Variants in PLA2G15 observed in about 807,000 individuals in gnomAD.
The protein encoded by PLA2G15 is phospholipase A2 group XV.
In PLA2G15, 20 loss-of-function variants were observed where a neutral mutation model predicts 40.9. The observed-to-expected ratio is 0.49, with a 90% CI of 0.34 to 0.71. The LOEUF is 0.71. Among genes scored for constraint, PLA2G15 ranks in the 30% least tolerant of loss-of-function variants. The probability of loss-of-function intolerance (pLI) is 0.01; values close to 1 mark genes in which losing one functional copy is unlikely to be tolerated. For missense variants in PLA2G15, 471 were observed against 541.9 expected (o/e 0.87, Z 1.30); for synonymous variants, 223 against 228.2 (o/e 0.98, Z 0.21).
intron 2 of PLA2G15, chr16:68,252,559 C>T (rs1450646569): frequency 2.2e-6 from 1 of 455,950 alleles, no homozygotes; most frequent in Non-Finnish European, 4.4e-6. Context: ...GTACTGAGCC[C>T]TGAGGCGGGG....
chr16:68,257,142 C>A (rs1047883936), intron 5 of PLA2G15, among the ~76,000 whole-genome samples: 2 of 152,132 alleles, frequency 1.3e-5, no homozygotes, highest in African/African-American at 4.8e-5. Context: ...CTGCCTCAGC[C>A]TCCCAAAGTG....
Position 68,255,818 on chromosome 16 carries a change from C to T in PLA2G15, c.555C>T (p.Tyr185=), listed in dbSNP as rs2042396467. The part of the protein sequence containing the change: ...LALREMIEEM[Y]QLYGGPVVLV... The stretch of plus-strand genomic sequence containing the variant: ...TCCGCGAGATGATCGAGGAGATGTA[C>T]CAGCTGTATGGGGGCCCCGTGGTGC... Residue 185 remains tyrosine, a synonymous_variant, in exon 5 of 6, where the codon TAC becomes TAT. Transcript: ENST00000219345. This position sits in a 1 kb window ranked among gnomAD's most constrained non-coding sequence, Gnocchi z 5.9. 1.2e-6 allele frequency: 2 copies of T among 1,614,064 alleles called. No individual in the cohort carries two copies. Among genetic ancestry groups the T allele is most frequent in the Admixed American group, 1.7e-5 (1 of 59,998 alleles).
chr16:68,255,266 G>A lies in PLA2G15; in HGVS notation c.404-16G>A, dbSNP rs960107071. Reference sequence around the variant, plus strand: ...CTAGCTGTATCTTTTCTTATCCTCTGTATTTCTGTCTACAGGTTCCTATTT... The same window carrying A: ...CTAGCTGTATCTTTTCTTATCCTCTATATTTCTGTCTACAGGTTCCTATTT... On this transcript the variant is annotated splice_polypyrimidine_tract_variant and intron_variant, in intron 3 of 5. Coordinates refer to ENST00000219345, the MANE Select transcript of PLA2G15 (RefSeq NM_012320.4). This position sits in a 1 kb window ranked among gnomAD's most constrained non-coding sequence, Gnocchi z 5.9. 4.4e-6 allele frequency: 7 copies of A among 1,581,704 alleles called. No homozygotes were observed. Among genetic ancestry groups the A allele is most frequent in the East Asian group, 2.2e-5 (1 of 44,736 alleles).
In PLA2G15 at chr16:68,259,667, C is replaced by A; in HGVS notation, c.*10C>A. ...GCTCCTTGGGCCCTGACTCCTGTGC[C>A]ACAGGACTCCTGTGGCTCGGCCGTG... On this transcript the variant is annotated 3_prime_UTR_variant, in exon 6 of 6. Coordinates refer to ENST00000219345, the MANE Select transcript of PLA2G15 (RefSeq NM_012320.4). This position sits in a 1 kb window ranked among gnomAD's most constrained non-coding sequence, Gnocchi z 6.5. 1 of 1,606,728 alleles carries A rather than the reference C, an allele frequency of 6.2e-7. No individual in the cohort carries two copies. Among genetic ancestry groups the A allele is most frequent in the South Asian group, 1.1e-5 (1 of 90,802 alleles).
rs548525155 is a variant in PLA2G15, at chr16:68,253,514, A to G, written c.285-1405A>G. ...CCTCAGACTCCGGATAACTGGGATT[A>G]CAGGTACACGTCACCATGCCTGGTT... On this transcript the variant is annotated intron_variant, in intron 2 of 5. Transcript: ENST00000219345. 7 of 423,048 alleles carry G rather than the reference A, an allele frequency of 1.7e-5. No individual in the cohort carries two copies. In the East Asian group the frequency reaches 4.7e-4, roughly 28 times the overall value. 26.2% of individuals were successfully genotyped at this position (423,048 alleles called of 1,614,324 possible).
intron 2 of PLA2G15, 169 bp from the exon 3 acceptor site, chr16:68,254,750 C>T (rs938750762): frequency 3.5e-5 from 22 of 627,680 alleles, no homozygotes; most frequent in Non-Finnish European, 5.1e-5. Context: ...GCTGGGATTA[C>T]AGGTGATCTG....
At chr16:68,245,628 CT>C in intron 1 of PLA2G15, 75 bp downstream of exon 1, 3 of 1,480,040 alleles carry the variant, frequency 2.0e-6, no homozygotes, top group Non-Finnish European at 2.7e-6. Context: ...TCCCGGTCTG[CT>C]TCTGTTCCAG....
At chr16:68,253,298 C>G in intron 2 of PLA2G15, 1 of 345,656 alleles carries the variant, frequency 2.9e-6, no homozygotes, top group Non-Finnish European at 5.8e-6. Flanking sequence ...TTTCTCTGGG[C>G]CTTGCTCCTT....
intron 5 of PLA2G15, among the ~76,000 whole-genome samples, chr16:68,256,587 C>T (rs1049280861): frequency 7.9e-5 from 12 of 152,152 alleles, no homozygotes; most frequent in Admixed American, 7.9e-4. Context: ...AATCTTGTCT[C>T]ACTGCAACCT....
At chr16:68,248,664 G>A in intron 1 of PLA2G15, 8 of 935,416 alleles carry the variant, frequency 8.6e-6, no homozygotes, top group Non-Finnish European at 1.0e-5. Flanking sequence ...TGGGATTACA[G>A]GCATGAGCCC....
rs1394765799 is a variant in PLA2G15 at position 68,255,867 on chromosome 16, A to G, written c.604A>G (p.Met202Val). 3 of 1,614,036 alleles carry G rather than the reference A, an allele frequency of 1.9e-6. No individual in the cohort carries two copies. The highest frequency in any genetic ancestry group is 1.7e-6 in the Non-Finnish European group (2 of 1,179,888). ...VVLVAHSMGNMYTLYFLQRQP... is the reference protein window; with the variant it reads ...VVLVAHSMGNVYTLYFLQRQP... ...GCTGGTTGCCCACAGTATGGGCAAC[A>G]TGTACACGCTCTACTTTCTGCAGCG... The change falls in exon 5 of 6, where the codon ATG becomes GTG. Residue 202 changes from methionine to valine, a missense_variant. Physicochemically the swap from Met to Val is conservative, Grantham distance 21 (BLOSUM62 1). Transcript: ENST00000219345. This position sits in a 1 kb window ranked among gnomAD's most constrained non-coding sequence, Gnocchi z 5.9.
In PLA2G15 at chr16:68,255,139, GA is replaced by G; in HGVS notation, c.403+103del. On this transcript the variant is annotated intron_variant, in intron 3 of 5. Coordinates refer to ENST00000219345, the MANE Select transcript of PLA2G15 (RefSeq NM_012320.4). This position sits in a 1 kb window ranked among gnomAD's most constrained non-coding sequence, Gnocchi z 5.9. ...CTGCTGGTTTGTAGGGACAGCCTGT[GA>G]GCTGTCTCTGATCAGCGTGGGCACA... is the stretch of plus-strand genomic sequence containing the variant. The G allele has an allele frequency of 2.0e-6, 2 of 1,000,154 alleles. No individual in the cohort carries two copies. The highest frequency in any genetic ancestry group is 3.2e-6 in the Non-Finnish European group (2 of 628,992). The allele number at this position is 1,000,154 out of a possible 1,614,324, so 62.0% of individuals were successfully genotyped here. A position where few individuals can be genotyped will look rare whatever the true frequency, so the allele number is the denominator to read the frequency against.
intron 2 of PLA2G15, chr16:68,252,596 C>A (rs1442589250): frequency 2.2e-6 from 1 of 456,042 alleles, no homozygotes; most frequent in East Asian, 6.9e-5. Context: ...CTGTTTGGCA[C>A]TGCAGCTACA....
At chr16:68,254,176 A>G (rs2042380673) in intron 2 of PLA2G15, among the ~76,000 whole-genome samples, 1 of 151,910 alleles carries the variant, frequency 6.6e-6, no homozygotes, top group Non-Finnish European at 1.5e-5. Context: ...CAGGTCCAAG[A>G]CCCTCATTCT....
chr16:68,253,691 G>GT (rs58831503), intron 2 of PLA2G15, among the ~76,000 whole-genome samples: 2,258 of 124,868 alleles, frequency 0.018, 41 homozygotes, highest in Non-Finnish European at 0.023. Flanking sequence ...GTTTTGTTTT[G>GT]TTTTTTTTTT....
chr16:68,255,343 T>C lies in PLA2G15; in HGVS notation c.465T>C (p.Asp155=), dbSNP rs756205905. 2 of 1,613,470 alleles carry C rather than the reference T, an allele frequency of 1.2e-6. No homozygotes were observed. Among genetic ancestry groups the C allele is most frequent in the East Asian group, 2.2e-5 (1 of 44,864 alleles). The stretch of plus-strand genomic sequence containing the variant: ...GCTGGGGCTACACACGGGGTGAGGA[T>C]GTCCGAGGGGCTCCCTATGACTGGC... ...LVGWGYTRGE[D]VRGAPYDWRR... Residue 155 remains aspartate, a synonymous_variant, in exon 4 of 6, where the codon GAT becomes GAC. Coordinates refer to ENST00000219345, the MANE Select transcript of PLA2G15 (RefSeq NM_012320.4). This position sits in a 1 kb window ranked among gnomAD's most constrained non-coding sequence, Gnocchi z 5.9.
At position 68,250,216 on chromosome 16, in the gene PLA2G15, T is replaced by C. The variant is rs145642581; in HGVS notation, c.284+770T>C. The C allele has an allele frequency of 1.6e-3, 444 of 272,962 alleles. 2 individuals are homozygous for C. Among genetic ancestry groups the C allele is most frequent in the African/African-American group, 9.7e-3 (405 of 41,698 alleles). 16.9% of individuals were successfully genotyped at this position (272,962 alleles called of 1,614,324 possible). A position where few individuals can be genotyped will look rare whatever the true frequency, so the allele number is the denominator to read the frequency against. ...TTTTTTGGAGACGGAGTTTTGCTCTTATTGCCCAGGCTGGAGTGCAATGGC... is the reference window on the plus strand; with the variant it reads ...TTTTTTGGAGACGGAGTTTTGCTCTCATTGCCCAGGCTGGAGTGCAATGGC... On this transcript the variant is annotated intron_variant, in intron 2 of 5. Transcript: ENST00000219345.
rs998961443 is a variant in PLA2G15 at position 68,255,222 on chromosome 16, A to G, written c.404-60A>G. ...AGCTGTCACAGTCTCCATGCTGGGCATAGTGTAGGTGGCCGGCACTAGCTG... is the reference window on the plus strand; with the variant it reads ...AGCTGTCACAGTCTCCATGCTGGGCGTAGTGTAGGTGGCCGGCACTAGCTG... On this transcript the variant is annotated intron_variant, in intron 3 of 5. Transcript: ENST00000219345. This position sits in a 1 kb window ranked among gnomAD's most constrained non-coding sequence, Gnocchi z 5.9. 4.8e-6 allele frequency: 6 copies of G among 1,245,972 alleles called. No individual in the cohort carries two copies. Among genetic ancestry groups the G allele is most frequent in the Non-Finnish European group, 4.7e-6 (4 of 848,712 alleles). The allele number at this position is 1,245,972 out of a possible 1,614,324, so 77.2% of individuals were successfully genotyped here.
In PLA2G15 at chr16:68,245,382, G is replaced by T; in HGVS notation, c.-45G>T. On this transcript the variant is annotated 5_prime_UTR_variant, in exon 1 of 6. Coordinates refer to ENST00000219345, the MANE Select transcript of PLA2G15 (RefSeq NM_012320.4). ...CCGCCCCCGCCTAGGCGAGAGCCCA[G>T]AGAGCTGAACCTGCATCCCGGACCT... is the stretch of plus-strand genomic sequence containing the variant. 1 of 1,591,622 alleles carries T rather than the reference G, an allele frequency of 6.3e-7. No individual in the cohort carries two copies. The highest frequency in any genetic ancestry group is 1.1e-5 in the South Asian group (1 of 90,758).
Sources: gnomAD v4.1 joint callset for allele counts (sites outside exome capture counted in the v4.1 genomes callset) on GRCh38, gnomAD v4.1.1 for gene constraint, Gnocchi (gnomAD v3.1) non-coding constraint, MANE v1.5 for transcripts, NCBI Gene and HGNC (gene_info 2026-07-23, HGNC 2026-07-21) for gene names.